The following AGBL4 variants were observed in gnomAD, a reference collection of about 807,000 sequenced individuals.
The protein encoded by AGBL4 is AGBL carboxypeptidase 4, also known as cytosolic carboxypeptidase 6.
AGBL4 carries 58 observed loss-of-function variants against 66.4 expected under a neutral mutation model. The observed-to-expected ratio is 0.87, with a 90% CI of 0.71 to 1.09. AGBL4 has a LOEUF of 1.09. AGBL4 is among the 50% of genes least tolerant of loss of function. The probability of loss-of-function intolerance (pLI) is 0.00; values close to 1 mark genes in which losing one functional copy is unlikely to be tolerated. For missense variants in AGBL4, 579 were observed against 631.0 expected (o/e 0.92, Z 0.88); for synonymous variants, 234 against 222.9 (o/e 1.05, Z -0.44).
intron 2 of AGBL4, among the ~76,000 whole-genome samples, chr1:49,843,120 C>T (rs1298134238): frequency 6.6e-6 from 1 of 152,102 alleles, no homozygotes; most frequent in East Asian, 1.9e-4. Context: ...GAGAGGGTCA[C>T]ATTAGGGTCC....
At chr1:48,597,406 T>G (rs1462197561) in intron 9 of AGBL4, among the ~76,000 whole-genome samples, 1 of 152,052 alleles carries the variant, frequency 6.6e-6, no homozygotes, top group East Asian at 1.9e-4. Flanking sequence ...TTGCAGATTG[T>G]GAAACATGCT....
At chr1:49,560,841 C>T (rs1424756076) in intron 3 of AGBL4, among the ~76,000 whole-genome samples, 1 of 152,026 alleles carries the variant, frequency 6.6e-6, no homozygotes, top group African/African-American at 2.4e-5. Context: ...TCTTTTACCC[C>T]TGAATAGTAT....
intron 10 of AGBL4, among the ~76,000 whole-genome samples, chr1:48,590,215 A>G (rs1267584795): frequency 1.3e-5 from 2 of 152,088 alleles, no homozygotes; most frequent in Non-Finnish European, 2.9e-5. Flanking sequence ...GAGCAGCCAG[A>G]CCAACATGGA....
chr1:49,739,674 G>C (rs1388340626), intron 2 of AGBL4, among the ~76,000 whole-genome samples: 3 of 152,184 alleles, frequency 2.0e-5, no homozygotes, highest in East Asian at 1.9e-4. Context: ...TACCCACATA[G>C]GGAAGCCCAT....
At chr1:49,189,762 T>C (rs762959750) in intron 4 of AGBL4, among the ~76,000 whole-genome samples, 35 of 152,144 alleles carry the variant, frequency 2.3e-4, no homozygotes, top group Non-Finnish European at 4.9e-4. Flanking sequence ...GAACTTTGCA[T>C]TAATTACCTT....
chr1:49,844,922 A>G, intron 2 of AGBL4: 1 of 1,366,622 alleles, frequency 7.3e-7, no homozygotes, highest in East Asian at 2.3e-5. Flanking sequence ...TGACAGAGGA[A>G]TGGGTTTGGG....
chr1:48,970,561 G>C (rs1361407806), intron 5 of AGBL4, among the ~76,000 whole-genome samples: 2 of 152,104 alleles, frequency 1.3e-5, no homozygotes, highest in Non-Finnish European at 2.9e-5. Flanking sequence ...TTATAGTGCA[G>C]ATTTAAGGCC....
At chr1:49,347,466 T>C (rs1332314793) in intron 3 of AGBL4, among the ~76,000 whole-genome samples, 1 of 151,786 alleles carries the variant, frequency 6.6e-6, no homozygotes, top group African/African-American at 2.4e-5. Context: ...TTGGCCAGGA[T>C]GGTTTCGATC....
At chr1:50,006,286 C>G (rs1310425927) in intron 1 of AGBL4, among the ~76,000 whole-genome samples, 4 of 150,894 alleles carry the variant, frequency 2.7e-5, no homozygotes, top group Non-Finnish European at 5.9e-5. Flanking sequence ...TTGCAGTGAG[C>G]CAAGATTGCG....
chr1:49,954,665 A>G lies in AGBL4; in HGVS notation c.34+69098T>C, dbSNP rs1222868817. ...CATATGGCACTATAACTAAGTTCTGACCAGTTAGGCATAAATATGAGACTT... is the reference window on the plus strand; with the variant it reads ...CATATGGCACTATAACTAAGTTCTGGCCAGTTAGGCATAAATATGAGACTT... On this transcript the variant is annotated intron_variant, in intron 1 of 13. Transcript: ENST00000371839. Among the ~76,000 whole-genome samples, 5 of 152,000 alleles carry G rather than the reference A, an allele frequency of 3.3e-5. No homozygotes were observed. The East Asian group carries it at 7.7e-4, about 24-fold the overall frequency.
chr1:49,607,954 A>T (rs1339316897), intron 3 of AGBL4, among the ~76,000 whole-genome samples: 1 of 152,184 alleles, frequency 6.6e-6, no homozygotes, highest in East Asian at 1.9e-4. Context: ...GTTGAATAAT[A>T]GGGGAGAAGT....
At chr1:49,812,047 T>C (rs1645114324) in intron 2 of AGBL4, among the ~76,000 whole-genome samples, 1 of 152,160 alleles carries the variant, frequency 6.6e-6, no homozygotes, top group Non-Finnish European at 1.5e-5. Flanking sequence ...ATTAAGTATT[T>C]AAGCCTTGTA....
chr1:49,976,495 T>G (rs557332158), intron 1 of AGBL4, among the ~76,000 whole-genome samples: 23 of 152,356 alleles, frequency 1.5e-4, no homozygotes, highest in Admixed American at 7.2e-4. Context: ...GGAAAATCAC[T>G]GGGTAGCCCA....
chr1:48,540,223 T>C (rs992398694), intron 11 of AGBL4, among the ~76,000 whole-genome samples: 1 of 152,126 alleles, frequency 6.6e-6, no homozygotes, highest in African/African-American at 2.4e-5. Flanking sequence ...GGCACAATGG[T>C]AAAACCCTGT....
In AGBL4 at chr1:50,019,370, T is replaced by C. The variant is rs905357810; in HGVS notation, c.34+4393A>G. ...CACAGACACCAATTAAGATATCATT[T>C]CTCTGGGGGTGTAAGACATTGTATA... On this transcript the variant is annotated intron_variant, in intron 1 of 13. Coordinates refer to ENST00000371839, the MANE Select transcript of AGBL4 (RefSeq NM_032785.4). Among the ~76,000 whole-genome samples the C allele has an allele frequency of 2.0e-5, 3 of 147,878 alleles. No individual in the cohort carries two copies. The East Asian group carries it at 6.3e-4, about 31-fold the overall frequency.
At chr1:48,981,488 T>TA (rs1450659972) in intron 5 of AGBL4, among the ~76,000 whole-genome samples, 2 of 152,134 alleles carry the variant, frequency 1.3e-5, no homozygotes, top group African/African-American at 4.8e-5. Flanking sequence ...GGTTTTTCAA[T>TA]AGTGAGTGCC....
chr1:49,949,720 G>A (rs1655899123), intron 1 of AGBL4, among the ~76,000 whole-genome samples: 1 of 151,568 alleles, frequency 6.6e-6, no homozygotes, highest in South Asian at 2.1e-4. Context: ...TGGTGTGGAT[G>A]CAGTGAACAG....
At chr1:49,849,393 T>TTTATGATTATTA (rs1553133690) in intron 2 of AGBL4, among the ~76,000 whole-genome samples, 1 of 130,080 alleles carries the variant, frequency 7.7e-6, no homozygotes, top group African/African-American at 2.7e-5. Flanking sequence ...ATTCATCTAA[T>TTTATGATTATTA]TTATTATTAT....
At chr1:49,583,811 A>G (rs1245588135) in intron 3 of AGBL4, among the ~76,000 whole-genome samples, 1 of 152,186 alleles carries the variant, frequency 6.6e-6, no homozygotes, top group Non-Finnish European at 1.5e-5. Flanking sequence ...GCAACCACCT[A>G]TCATCTCTAG....
Sources: gnomAD v4.1 joint callset for allele counts (sites outside exome capture counted in the v4.1 genomes callset) on GRCh38, gnomAD v4.1.1 for gene constraint, MANE v1.5 for transcripts, NCBI Gene and HGNC (gene_info 2026-07-23, HGNC 2026-07-21) for gene names.